Variants in PTPRN2 observed in about 807,000 individuals in gnomAD.
PTPRN2 encodes protein tyrosine phosphatase receptor type N2, also known as receptor-type tyrosine-protein phosphatase N2.
Under a neutral mutation model 118.8 loss-of-function variants are expected in PTPRN2, and 74 were observed. The observed-to-expected ratio is 0.62, with a 90% CI of 0.52 to 0.76. The LOEUF (loss-of-function observed/expected upper bound fraction) is 0.76, where lower values mean the gene tolerates loss of function less well. Ranked by LOEUF, PTPRN2 falls within the 30% of genes least tolerant of loss-of-function variation. PTPRN2 has a pLI of 0.00. For synonymous variants in PTPRN2, 641 were observed against 608.0 expected (o/e 1.05, Z -0.80); for missense variants, 1,481 against 1,394.4 (o/e 1.06, Z -0.99).
At position 158,411,555 on chromosome 7, in the gene PTPRN2, G is replaced by A. The variant is rs533839842; in HGVS notation, c.163+78180C>T. On this transcript the variant is annotated intron_variant, in intron 2 of 22. Transcript: ENST00000389418. ...TCCCGGGAACAGGGGTCCCCTTCCC[G>A]TGGGAGATGGGATCCCCCAGGTAAC... is the stretch of plus-strand genomic sequence containing the variant. 5.9e-5 allele frequency among the ~76,000 whole-genome samples: 9 copies of A among 152,292 alleles called. No homozygotes were observed. In the East Asian group the frequency reaches 9.7e-4, roughly 16 times the overall value.
At chr7:158,569,972 G>A (rs1253562967) in intron 1 of PTPRN2, among the ~76,000 whole-genome samples, 1 of 152,130 alleles carries the variant, frequency 6.6e-6, no homozygotes, top group East Asian at 1.9e-4. Context: ...CCTGGCCAGC[G>A]GGTGCCGCTC....
intron 1 of PTPRN2, among the ~76,000 whole-genome samples, chr7:158,556,890 CA>C (rs1299547196): frequency 6.8e-6 from 1 of 146,948 alleles, no homozygotes; most frequent in East Asian, 2.1e-4. Context: ...CCGTGAAGGT[CA>C]GGGGGCTCCC....
chr7:158,220,776 CA>C (rs1237434729), intron 3 of PTPRN2, among the ~76,000 whole-genome samples: 1 of 150,814 alleles, frequency 6.6e-6, no homozygotes, highest in East Asian at 2.0e-4. Flanking sequence ...AAAATGGTGA[CA>C]TTACCCAAAG....
rs1360536735 is a variant in PTPRN2 at position 158,519,395 on chromosome 7, T to A, written c.113-29610A>T. On this transcript the variant is annotated intron_variant, in intron 1 of 22. Transcript: ENST00000389418. The stretch of plus-strand genomic sequence containing the variant: ...AGAACAGAATTAGTCTATAAATAAG[T>A]AAAGAGGTGCTAGGGCTGAGTCAGA... Among the ~76,000 whole-genome samples the A allele has an allele frequency of 1.3e-5, 2 of 152,070 alleles. 1 individual carries two copies.
chr7:157,732,077 C>T, intron 12 of PTPRN2, among the ~76,000 whole-genome samples: 1 of 85,922 alleles, frequency 1.2e-5, no homozygotes, highest in African/African-American at 4.6e-5. Flanking sequence ...CCCCATGCGC[C>T]CAGCACAGTT....
chr7:158,525,020 G>T lies in PTPRN2; in HGVS notation c.113-35235C>A, dbSNP rs568971709. ...CCCTTCGAAGTGTGGCCCCAGCAGC[G>T]GTCTCCTGCACCCTCCGAAAAGACA... On this transcript the variant is annotated intron_variant, in intron 1 of 22. Coordinates refer to ENST00000389418, the MANE Select transcript of PTPRN2 (RefSeq NM_002847.5). This position sits in a 1 kb window ranked among gnomAD's most constrained non-coding sequence, Gnocchi z 4.1. Among the ~76,000 whole-genome samples the T allele has an allele frequency of 6.6e-6, 1 of 152,094 alleles. No homozygotes were observed. Among genetic ancestry groups the T allele is most frequent in the Non-Finnish European group, 1.5e-5 (1 of 68,016 alleles).
intron 12 of PTPRN2, among the ~76,000 whole-genome samples, chr7:157,791,726 T>C (rs886363424): frequency 6.6e-6 from 1 of 152,220 alleles, no homozygotes; most frequent in Non-Finnish European, 1.5e-5. Flanking sequence ...AGAGAGGACT[T>C]TGAACATCAA....
intron 9 of PTPRN2, among the ~76,000 whole-genome samples, chr7:158,112,287 G>A (rs966760798): frequency 2.6e-5 from 4 of 152,216 alleles, no homozygotes; most frequent in Non-Finnish European, 5.9e-5. Context: ...CTTGTAAAGT[G>A]GGCTATAGGA....
rs573337494 is a variant in PTPRN2 at position 157,715,194 on chromosome 7, C to T, written c.1789-32257G>A. ...CCCCCTGCAGGGTGGGAGAGAAATACCGACAGGTGGGGAGGGCTGGAGGCG... is the reference window on the plus strand; with the variant it reads ...CCCCCTGCAGGGTGGGAGAGAAATATCGACAGGTGGGGAGGGCTGGAGGCG... On this transcript the variant is annotated intron_variant, in intron 12 of 22. Transcript: ENST00000389418. Among the ~76,000 whole-genome samples, 8 of 152,302 alleles carry T rather than the reference C, an allele frequency of 5.3e-5. No homozygotes were observed. In the South Asian group the frequency reaches 1.7e-3, roughly 32 times the overall value.
chr7:158,439,465 GAGA>G (rs1363104965), intron 2 of PTPRN2, among the ~76,000 whole-genome samples: 9 of 152,202 alleles, frequency 5.9e-5, no homozygotes, highest in Non-Finnish European at 1.2e-4. Context: ...GACAGGGACA[GAGA>G]AGAAGTGGGG....
intron 3 of PTPRN2, among the ~76,000 whole-genome samples, chr7:158,227,539 C>T (rs1003874809): frequency 6.6e-6 from 1 of 152,028 alleles, no homozygotes; most frequent in Non-Finnish European, 1.5e-5. Context: ...GAAGAAGTGT[C>T]GGGGAAAGGC....
chr7:158,295,256 T>C (rs112512280), intron 3 of PTPRN2, among the ~76,000 whole-genome samples: 91 of 7,958 alleles, frequency 0.011, 28 homozygotes, highest in African/African-American at 0.029. Context: ...ACTGCGCCAC[T>C]TTCCACGCGC....
chr7:158,245,693 G>GC (rs1563031005), intron 3 of PTPRN2, among the ~76,000 whole-genome samples: 1 of 152,126 alleles, frequency 6.6e-6, no homozygotes, highest in African/African-American at 2.4e-5. Context: ...TGCCTTCTAG[G>GC]CCCCTCTGGC....
intron 1 of PTPRN2, among the ~76,000 whole-genome samples, chr7:158,524,308 C>T (rs1465197185): frequency 3.9e-5 from 2 of 51,130 alleles, no homozygotes; most frequent in African/African-American, 6.3e-5. Flanking sequence ...GGAGTGGAGT[C>T]GGCCCTGGAG....
chr7:158,065,612 G>A (rs1001483141), intron 11 of PTPRN2, among the ~76,000 whole-genome samples: 2 of 152,176 alleles, frequency 1.3e-5, no homozygotes, highest in Non-Finnish European at 2.9e-5. Context: ...ACCACCACAC[G>A]GCCCCCACGG....
chr7:157,948,169 C>T (rs1800597821), intron 11 of PTPRN2, among the ~76,000 whole-genome samples: 1 of 152,034 alleles, frequency 6.6e-6, no homozygotes, highest in Non-Finnish European at 1.5e-5. Flanking sequence ...AATATAAAAC[C>T]CAGTATTGTA....
intron 6 of PTPRN2, among the ~76,000 whole-genome samples, chr7:158,146,946 C>G (rs1488087623): frequency 1.1e-4 from 17 of 148,596 alleles, no homozygotes; most frequent in Non-Finnish European, 2.1e-4. Flanking sequence ...ACGTGTCTTT[C>G]CCCCTCAATG....
chr7:158,121,179 C>T (rs963418124), intron 9 of PTPRN2, among the ~76,000 whole-genome samples: 1 of 152,174 alleles, frequency 6.6e-6, no homozygotes, highest in Non-Finnish European at 1.5e-5. Flanking sequence ...CCTGCCTTGC[C>T]TCAGCCCCCT....
chr7:157,557,653 G>A (rs1488319184), intron 21 of PTPRN2, among the ~76,000 whole-genome samples: 1 of 151,494 alleles, frequency 6.6e-6, no homozygotes, highest in African/African-American at 2.4e-5. Context: ...AAAATTATAA[G>A]CAGGTTTTTT....
Sources: gnomAD v4.1 joint callset for allele counts (sites outside exome capture counted in the v4.1 genomes callset) on GRCh38, gnomAD v4.1.1 for gene constraint, Gnocchi (gnomAD v3.1) non-coding constraint, MANE v1.5 for transcripts, NCBI Gene and HGNC (gene_info 2026-07-23, HGNC 2026-07-21) for gene names.